BBOX1: variants seen among roughly 807,000 people sequenced by gnomAD.
BBOX1 encodes the protein gamma-butyrobetaine dioxygenase.
BBOX1 carries 35 observed loss-of-function variants against 41.6 expected under a neutral mutation model. The ratio of observed to expected loss-of-function variants is 0.84; its 90% CI spans 0.64 to 1.11. The LOEUF is 1.11. Among genes scored for constraint, BBOX1 ranks in the 50% most tolerant of loss-of-function variants. BBOX1 has a pLI of 0.00. For synonymous variants in BBOX1, 163 were observed against 154.7 expected (o/e 1.05, Z -0.40); for missense variants, 458 against 460.6 (o/e 0.99, Z 0.05).
chr11:27,079,203 A>G (rs1178189133), intron 4 of BBOX1, among the ~76,000 whole-genome samples: 1 of 152,146 alleles, frequency 6.6e-6, no homozygotes, highest in Non-Finnish European at 1.5e-5. Flanking sequence ...TTAGTCTTAC[A>G]TTGGTTTGAT....
rs563406511 is a variant in BBOX1 at position 27,067,094 on chromosome 11, G to T, written c.334+9779G>T. 9.9e-5 allele frequency among the ~76,000 whole-genome samples: 15 copies of T among 152,196 alleles called. No homozygotes were observed. The South Asian group carries it at 3.1e-3, about 32-fold the overall frequency. ...CTCAAGCAGTGCAATGTTGGGTGAA[G>T]GGTAGTGTTGCACCATACATATCAA... is the stretch of plus-strand genomic sequence containing the variant. On this transcript the variant is annotated intron_variant, in intron 4 of 8. Transcript: ENST00000263182.
intron 2 of BBOX1, among the ~76,000 whole-genome samples, chr11:27,046,918 A>ATTT (rs71449139): frequency 6.7e-6 from 1 of 148,528 alleles, no homozygotes; most frequent in African/African-American, 2.4e-5. Context: ...ATGATCTGCA[A>ATTT]TTTTTTTTTT....
intron 5 of BBOX1, 66 bp from the exon 6 acceptor site, chr11:27,115,386 C>A: frequency 7.9e-7 from 1 of 1,270,516 alleles, no homozygotes; most frequent in South Asian, 1.4e-5. Flanking sequence ...ATATCAAATT[C>A]ATTCTAATGC....
chr11:27,104,788 GCCT>G (rs1858802159), intron 5 of BBOX1, among the ~76,000 whole-genome samples: 1 of 152,136 alleles, frequency 6.6e-6, no homozygotes, highest in African/African-American at 2.4e-5. Context: ...CGGACAGACT[GCCT>G]CCTCAAGTGG....
chr11:27,071,361 A>G (rs1429201086), intron 4 of BBOX1, among the ~76,000 whole-genome samples: 31 of 151,800 alleles, frequency 2.0e-4, no homozygotes, highest in Non-Finnish European at 3.5e-4. Context: ...TAGCCTGGGC[A>G]ACAGAGCAAG....
intron 4 of BBOX1, among the ~76,000 whole-genome samples, chr11:27,062,567 CT>C (rs150967140): frequency 1.3e-4 from 19 of 148,544 alleles, no homozygotes; most frequent in African/African-American, 2.2e-4. Flanking sequence ...CTTTCTTTTT[CT>C]TTTTTTTTTG....
At position 27,058,727 on chromosome 11, in the gene BBOX1, A is replaced by C. The variant is rs532415180; in HGVS notation, c.334+1412A>C. On this transcript the variant is annotated intron_variant, in intron 4 of 8. Coordinates refer to ENST00000263182, the MANE Select transcript of BBOX1 (RefSeq NM_003986.3). ...ATGTGGAAGTTTGAAATTGAGAGTG[A>C]TGACCTACGGTATCTAGTGAAATAA... Among the ~76,000 whole-genome samples, 7 of 152,312 alleles carry C rather than the reference A, an allele frequency of 4.6e-5. No individual in the cohort carries two copies. The South Asian group carries it at 1.5e-3, about 32-fold the overall frequency.
At position 27,054,205 on chromosome 11, in the gene BBOX1, C is replaced by CTGTGTGTGTG. The variant is rs57324926; in HGVS notation, c.-38-1167_-38-1158dup. Among the ~76,000 whole-genome samples, 773 of 139,482 alleles carry CTGTGTGTGTG rather than the reference C, an allele frequency of 5.5e-3. 8 individuals carry two copies. The highest frequency in any genetic ancestry group is 0.018 in the African/African-American group (708 of 39,178). The allele number at this position is 139,482 out of a possible 152,430, so 91.5% of individuals were successfully genotyped here. On this transcript the variant is annotated intron_variant, in intron 2 of 8. Transcript: ENST00000263182. ...TTTTATAAGCTGTGTGTGTGTGTGT[C>CTGTGTGTGTG]TGTGTGTGTGTGTGTGTGTGTGTGT...
intron 4 of BBOX1, among the ~76,000 whole-genome samples, chr11:27,070,741 A>G (rs543969350): frequency 6.9e-6 from 1 of 145,044 alleles, no homozygotes; most frequent in East Asian, 2.0e-4. Context: ...CATTCTGCCA[A>G]TCTGTATCTT....
At position 27,115,572 on chromosome 11, in the gene BBOX1, A is replaced by C. The variant is rs1564988354; in HGVS notation, c.639+15A>C. On this transcript the variant is annotated intron_variant, in intron 6 of 8. Coordinates refer to ENST00000263182, the MANE Select transcript of BBOX1 (RefSeq NM_003986.3). ...ATCCACCTGGGGTAAGTGAGCTTCA[A>C]CATATTTTCCACAAAGCATGATGAT... 3.8e-6 allele frequency: 6 copies of C among 1,591,688 alleles called. No homozygotes were observed. Among genetic ancestry groups the C allele is most frequent in the Non-Finnish European group, 4.3e-6 (5 of 1,163,588 alleles).
At chr11:27,094,219 A>G (rs7124821) in intron 5 of BBOX1, among the ~76,000 whole-genome samples, 20,837 of 151,982 alleles carry the variant, frequency 0.14, 4,718 homozygotes, top group African/African-American at 0.47. Context: ...TTAATTATGG[A>G]TGGTTAAACA....
At chr11:27,117,974 C>T (rs2134100693) in intron 6 of BBOX1, among the ~76,000 whole-genome samples, 1 of 151,994 alleles carries the variant, frequency 6.6e-6, no homozygotes, top group Middle Eastern at 3.4e-3. Context: ...TCTGTCACAC[C>T]ACACTGATCC....
intron 5 of BBOX1, among the ~76,000 whole-genome samples, chr11:27,110,912 T>C (rs1463043191): frequency 6.6e-6 from 1 of 151,974 alleles, no homozygotes; most frequent in Non-Finnish European, 1.5e-5. Context: ...TGAACATTTT[T>C]CAAGCCATAT....
At chr11:27,067,716 G>A (rs1020280507) in intron 4 of BBOX1, among the ~76,000 whole-genome samples, 39 of 151,898 alleles carry the variant, frequency 2.6e-4, no homozygotes, top group Non-Finnish European at 4.4e-4. Context: ...AGCCGAGATC[G>A]CGCCACTGCA....
chr11:27,109,523 G>C (rs1034265326), intron 5 of BBOX1, among the ~76,000 whole-genome samples: 2 of 151,902 alleles, frequency 1.3e-5, no homozygotes, highest in South Asian at 4.2e-4. Context: ...TTCATTAATG[G>C]GTACAGAGAT....
intron 2 of BBOX1, among the ~76,000 whole-genome samples, chr11:27,043,459 C>CAGAATGTGCAGGTTTGGGCTACAT (rs1564948369): frequency 6.6e-6 from 1 of 151,306 alleles, no homozygotes; most frequent in Non-Finnish European, 1.5e-5. Context: ...TTGGGGTACA[C>CAGAATGTGCAGGTTTGGGCTACAT]GTGCAGAATG....
At chr11:27,043,178 C>T (rs1281753491) in intron 2 of BBOX1, among the ~76,000 whole-genome samples, 1 of 152,124 alleles carries the variant, frequency 6.6e-6, no homozygotes, top group African/African-American at 2.4e-5. Flanking sequence ...ATTCTCCTGC[C>T]TCAGCCTCCT....
rs181895197 is a variant in BBOX1, at chr11:27,122,796, T to G, written c.837-2858T>G. 9.0e-3 allele frequency among the ~76,000 whole-genome samples: 1,377 copies of G among 152,204 alleles called. 19 individuals carry two copies. Among genetic ancestry groups the G allele is most frequent in the African/African-American group, 0.028 (1,151 of 41,528 alleles). ...TAAAAGTCCTTTCTTTGGTTTTTTT[T>G]TTGTTGTTGTTGGCATCATTGATAA... On this transcript the variant is annotated intron_variant, in intron 7 of 8. Transcript: ENST00000263182.
chr11:27,061,185 G>A (rs1857123790), intron 4 of BBOX1, among the ~76,000 whole-genome samples: 1 of 152,032 alleles, frequency 6.6e-6, no homozygotes. Context: ...CATTGTAAAA[G>A]GATATGGACA....
Sources: allele counts gnomAD v4.1 joint callset (sites outside exome capture counted in the v4.1 genomes callset), GRCh38; gene constraint gnomAD v4.1.1; transcripts MANE v1.5; gene names NCBI Gene and HGNC (gene_info 2026-07-23, HGNC 2026-07-21).